CACNB4: variants seen among roughly 807,000 people sequenced by gnomAD.
CACNB4 encodes the protein voltage-dependent L-type calcium channel subunit beta-4.
CACNB4 carries 32 observed loss-of-function variants against 71.2 expected under a neutral mutation model. The observed-to-expected ratio is 0.45, with a 90% confidence interval of 0.34 to 0.60. The LOEUF is 0.60. Among genes scored for constraint, CACNB4 ranks in the 20% least tolerant of loss-of-function variants. CACNB4 has a pLI of 0.01. For synonymous variants in CACNB4, 231 were observed against 236.9 expected (o/e 0.97, Z 0.23); for missense variants, 464 against 647.9 (o/e 0.72, Z 3.08).
chr2:151,911,494 T>A (rs1162854445), intron 2 of CACNB4, among the ~76,000 whole-genome samples: 1 of 152,020 alleles, frequency 6.6e-6, no homozygotes, highest in Admixed American at 6.6e-5. Context: ...CTTGCGTATG[T>A]TGAACCAGCC....
chr2:151,860,474 T>C (rs919493919), intron 10 of CACNB4: 3 of 537,340 alleles, frequency 5.6e-6, no homozygotes, highest in Admixed American at 3.5e-5. Flanking sequence ...GGAGAGCCCA[T>C]TGAGGATTCT....
intron 12 of CACNB4, among the ~76,000 whole-genome samples, chr2:151,845,135 G>C (rs984186626): frequency 6.6e-6 from 1 of 152,196 alleles, no homozygotes; most frequent in Non-Finnish European, 1.5e-5. Context: ...GACATAATTA[G>C]TGGCACATTT....
chr2:152,057,846 A>T (rs1685803947), intron 2 of CACNB4, among the ~76,000 whole-genome samples: 1 of 152,142 alleles, frequency 6.6e-6, no homozygotes, highest in Non-Finnish European at 1.5e-5. Flanking sequence ...TTTTCCAAGG[A>T]CATACTATAA....
At chr2:151,961,756 T>C (rs1310770178) in intron 2 of CACNB4, among the ~76,000 whole-genome samples, 1 of 152,044 alleles carries the variant, frequency 6.6e-6, no homozygotes, top group African/African-American at 2.4e-5. Flanking sequence ...CCAGGCATGA[T>C]GGCATGCACC....
intron 2 of CACNB4, among the ~76,000 whole-genome samples, chr2:151,933,646 C>T (rs913064366): frequency 2.0e-5 from 3 of 152,148 alleles, no homozygotes; most frequent in African/African-American, 4.8e-5. Context: ...TCTACTCAGG[C>T]TCCCCCTCAC....
At chr2:152,065,147 C>A (rs1269287692) in intron 2 of CACNB4, among the ~76,000 whole-genome samples, 2 of 152,138 alleles carry the variant, frequency 1.3e-5, no homozygotes, top group South Asian at 2.1e-4. Context: ...CTTTGGGAGA[C>A]CGAGGTGGGC....
chr2:151,852,705 A>T (rs1423900451), intron 12 of CACNB4: 1 of 152,266 alleles, frequency 6.6e-6, no homozygotes, highest in Admixed American at 6.5e-5. Flanking sequence ...ATCAGATTTC[A>T]TGCTTCCATA....
chr2:151,883,416 A>C (rs781110650), intron 2 of CACNB4, 46 bp from the exon 3 acceptor site: 1 of 1,606,498 alleles, frequency 6.2e-7, no homozygotes, highest in Non-Finnish European at 8.5e-7. Context: ...TAGCTTCTTA[A>C]ATTGTCACAT....
chr2:151,950,882 T>C (rs2099866764), intron 2 of CACNB4, among the ~76,000 whole-genome samples: 1 of 152,308 alleles, frequency 6.6e-6, no homozygotes, highest in South Asian at 2.1e-4. Flanking sequence ...CCGAACTAGA[T>C]AGAGGTGGTG....
intron 2 of CACNB4, among the ~76,000 whole-genome samples, chr2:152,000,032 C>G (rs756881376): frequency 5.3e-5 from 8 of 152,192 alleles, no homozygotes; most frequent in Non-Finnish European, 1.0e-4. Flanking sequence ...ATAGCCTTTA[C>G]TTAGAGATAT....
chr2:152,097,142 T>C (rs979548689), intron 2 of CACNB4, among the ~76,000 whole-genome samples: 47 of 152,320 alleles, frequency 3.1e-4, no homozygotes, highest in African/African-American at 1.1e-3. Flanking sequence ...AATTAAATGG[T>C]AGTCAAAATT....
Position 151,957,266 on chromosome 2 carries a change from G to A in CACNB4, c.148-73896C>T, listed in dbSNP as rs1055511767. On this transcript the variant is annotated intron_variant, in intron 2 of 13. Coordinates refer to ENST00000539935, the MANE Select transcript of CACNB4 (RefSeq NM_000726.5). ...AAGTAGAGTGGCTGGGCGTGTGTGT[G>A]TGTGTGTGTGTGTGTGTGTGTGTGT... is the stretch of plus-strand genomic sequence containing the variant. Among the ~76,000 whole-genome samples the A allele has an allele frequency of 2.5e-3, 371 of 150,030 alleles. 2 individuals carry two copies. The highest frequency in any genetic ancestry group is 3.5e-3 in the Non-Finnish European group (238 of 67,194).
At chr2:152,041,969 G>C (rs1684896285) in intron 2 of CACNB4, among the ~76,000 whole-genome samples, 2 of 152,166 alleles carry the variant, frequency 1.3e-5, no homozygotes, top group South Asian at 4.1e-4. Flanking sequence ...CAGCACATAG[G>C]AGGTGTTCAA....
rs1017821472 is a variant in CACNB4 at position 152,024,604 on chromosome 2, A to G, written c.147+73726T>C. Among the ~76,000 whole-genome samples, 17 of 149,612 alleles carry G rather than the reference A, an allele frequency of 1.1e-4. No homozygotes were observed. The East Asian group carries it at 2.1e-3, about 19-fold the overall frequency. On this transcript the variant is annotated intron_variant, in intron 2 of 13. Coordinates refer to ENST00000539935, the MANE Select transcript of CACNB4 (RefSeq NM_000726.5). ...CAAAGCAGTAAGAAATACTTGCCCC[A>G]ATAGTTGCTTACTAACATAGCATAC... is the stretch of plus-strand genomic sequence containing the variant.
chr2:152,052,939 G>A (rs1336001505), intron 2 of CACNB4, among the ~76,000 whole-genome samples: 3 of 151,774 alleles, frequency 2.0e-5, no homozygotes, highest in South Asian at 2.1e-4. Context: ...CCGAGATCAC[G>A]CCACTGCACT....
At chr2:152,061,964 A>ATCGCGCCACTGT (rs1179935122) in intron 2 of CACNB4, among the ~76,000 whole-genome samples, 1 of 151,236 alleles carries the variant, frequency 6.6e-6, no homozygotes, top group Non-Finnish European at 1.5e-5. Flanking sequence ...GTGAGCGGAG[A>ATCGCGCCACTGT]TCGCGCCACT....
Position 152,098,893 on chromosome 2 carries a change from A to G in CACNB4, c.63+56T>C. On this transcript the variant is annotated intron_variant, in intron 1 of 13. Transcript: ENST00000539935. The surrounding 1 kb of genome is among the most constrained non-coding windows in gnomAD (Gnocchi z 5.3). ...AAGGCGGGGCGCGCTAGGGCGGCGG[A>G]GGAGGTGTGAGGAAGGAAGAGGAGG... 1 of 1,168,060 alleles carries G rather than the reference A, an allele frequency of 8.6e-7. No individual in the cohort carries two copies. Among genetic ancestry groups the G allele is most frequent in the Non-Finnish European group, 1.2e-6 (1 of 868,726 alleles). The allele number at this position is 1,168,060 out of a possible 1,614,324, so 72.4% of individuals were successfully genotyped here.
intron 9 of CACNB4, among the ~76,000 whole-genome samples, chr2:151,864,956 G>A (rs543085436): frequency 2.7e-4 from 41 of 152,312 alleles, no homozygotes; most frequent in Non-Finnish European, 5.3e-4. Context: ...TCCGTGAAAT[G>A]TGGGTGAGAG....
At chr2:151,941,866 G>A (rs1214402351) in intron 2 of CACNB4, among the ~76,000 whole-genome samples, 1 of 152,114 alleles carries the variant, frequency 6.6e-6, no homozygotes, top group East Asian at 1.9e-4. Flanking sequence ...AGGAGATACA[G>A]CTGTTCTGGC....
Sources: allele counts gnomAD v4.1 joint callset (sites outside exome capture counted in the v4.1 genomes callset), GRCh38; gene constraint gnomAD v4.1.1; non-coding constraint Gnocchi (gnomAD v3.1); transcripts MANE v1.5; gene names NCBI Gene and HGNC (gene_info 2026-07-23, HGNC 2026-07-21).